The following SMARCA2 variants were observed in gnomAD, a reference collection of about 807,000 sequenced individuals.
The protein encoded by SMARCA2 is SWI/SNF related BAF chromatin remodeling complex subunit ATPase 2, also known as SWI/SNF-related matrix-associated actin-dependent regulator of chromatin subfamily A member 2.
In SMARCA2, 61 loss-of-function variants were observed where a neutral mutation model predicts 199.8. The observed-to-expected ratio is 0.31, with a 90% confidence interval of 0.25 to 0.38. The LOEUF (loss-of-function observed/expected upper bound fraction) is 0.38, where lower values mean the gene tolerates loss of function less well. SMARCA2 is among the 10% of genes least tolerant of loss of function. The pLI, the probability that SMARCA2 is intolerant of heterozygous loss-of-function variation, is 1.00. For missense variants in SMARCA2, 1,344 were observed against 2,012.2 expected (o/e 0.67, Z 6.35); for synonymous variants, 935 against 732.0 (o/e 1.28, Z -4.48).
Position 2,104,840 on chromosome 9 carries a change from A to G in SMARCA2, c.3292+671A>G, listed in dbSNP as rs889681031. Among the ~76,000 whole-genome samples, 1 of 152,208 alleles carries G rather than the reference A, an allele frequency of 6.6e-6. No homozygotes were observed. The highest frequency in any genetic ancestry group is 2.4e-5 in the African/African-American group (1 of 41,442). On this transcript the variant is annotated intron_variant, in intron 23 of 33. Coordinates refer to ENST00000349721, the MANE Select transcript of SMARCA2 (RefSeq NM_003070.5). The surrounding 1 kb of genome is among the most constrained non-coding windows in gnomAD (Gnocchi z 4.0). ...ACGATTTGGATATCAGCCATAATATATTAGAGGTTGAAAGTATCAGCATTT... is the reference window on the plus strand; with the variant it reads ...ACGATTTGGATATCAGCCATAATATGTTAGAGGTTGAAAGTATCAGCATTT...
intron 29 of SMARCA2, among the ~76,000 whole-genome samples, chr9:2,180,248 A>G (rs1826928163): frequency 6.6e-6 from 1 of 152,076 alleles, no homozygotes; most frequent in Admixed American, 6.6e-5. Flanking sequence ...AAAAAATAAA[A>G]CAAAAACGAT....
rs756432174 is a variant in SMARCA2, at chr9:2,110,449, C to T, written c.3456+32C>T. On this transcript the variant is annotated intron_variant, in intron 24 of 33. Transcript: ENST00000349721. This position sits in a 1 kb window ranked among gnomAD's most constrained non-coding sequence, Gnocchi z 4.8. ...ATGTCCCACTCAGGTGCCCAGGCCT[C>T]CCTCTGGAGAGCAACTAAAAGATGA... The T allele has an allele frequency of 2.0e-6, 3 of 1,526,518 alleles. No homozygotes were observed. The highest frequency in any genetic ancestry group is 1.4e-5 in the African/African-American group (1 of 71,726). The allele number at this position is 1,526,518 out of a possible 1,614,324, so 94.6% of individuals were successfully genotyped here.
rs1822949367 is a variant in SMARCA2 at position 2,110,540 on chromosome 9, G to A, written c.3456+123G>A. The A allele has an allele frequency of 4.2e-6, 3 of 708,850 alleles. No homozygotes were observed. The highest frequency in any genetic ancestry group is 4.3e-6 in the Non-Finnish European group (2 of 466,134). The allele number at this position is 708,850 out of a possible 1,614,324, so 43.9% of individuals were successfully genotyped here. A position where few individuals can be genotyped will look rare whatever the true frequency, so the allele number is the denominator to read the frequency against. On this transcript the variant is annotated intron_variant, in intron 24 of 33. Coordinates refer to ENST00000349721, the MANE Select transcript of SMARCA2 (RefSeq NM_003070.5). The surrounding 1 kb of genome is among the most constrained non-coding windows in gnomAD (Gnocchi z 4.8). ...TAAACGAGTGGGCTGTTGCTTTCTT[G>A]GAGCCAATTCTTCTGGCTGTTTTCT...
rs148388908 is a variant in SMARCA2, at chr9:2,108,731, C to T, written c.3293-1523C>T. ...TCACAGCAGAAATATCTTCCATTAG[C>T]GTCGTGAACAGATAGTTCACCATGA... On this transcript the variant is annotated intron_variant, in intron 23 of 33. Coordinates refer to ENST00000349721, the MANE Select transcript of SMARCA2 (RefSeq NM_003070.5). Among the ~76,000 whole-genome samples, 614 of 152,240 alleles carry T rather than the reference C, an allele frequency of 4.0e-3. 4 individuals are homozygous for T. Among genetic ancestry groups the T allele is most frequent in the African/African-American group, 0.014 (574 of 41,540 alleles).
chr9:2,151,081 A>C (rs1233113014), intron 27 of SMARCA2, among the ~76,000 whole-genome samples: 1 of 151,536 alleles, frequency 6.6e-6, no homozygotes. Context: ...ACTGCACATA[A>C]AACACAGACT....
chr9:2,119,654 C>T lies in SMARCA2; in HGVS notation c.3762+119C>T. 2 of 678,358 alleles carry T rather than the reference C, an allele frequency of 2.9e-6. No homozygotes were observed. Among genetic ancestry groups the T allele is most frequent in the Non-Finnish European group, 5.2e-6 (2 of 383,034 alleles). The allele number at this position is 678,358 out of a possible 1,614,324, so 42.0% of individuals were successfully genotyped here. On this transcript the variant is annotated intron_variant, in intron 26 of 33. Transcript: ENST00000349721. The surrounding 1 kb of genome is among the most constrained non-coding windows in gnomAD (Gnocchi z 4.6). The stretch of plus-strand genomic sequence containing the variant: ...CTTCATACGTAAAGCCTATGCCTTT[C>T]CTTCAGTTCAGAGGCTGCAAACTGG...
rs1823184635 is a variant in SMARCA2 at position 2,115,659 on chromosome 9, A to T, written c.3457-163A>T. On this transcript the variant is annotated intron_variant, in intron 24 of 33. Transcript: ENST00000349721. The surrounding 1 kb of genome is among the most constrained non-coding windows in gnomAD (Gnocchi z 6.0). ...TTTCTTCAACTAGGAATGACACTGA[A>T]TTTTTCCAAACGTAGCTTGTGTGTT... Among the ~76,000 whole-genome samples the T allele has an allele frequency of 6.6e-6, 1 of 152,132 alleles. No individual in the cohort carries two copies. The highest frequency in any genetic ancestry group is 1.5e-5 in the Non-Finnish European group (1 of 68,028).
rs374343786 is a variant in SMARCA2, at chr9:2,101,659, G to T, written c.3125+43G>T. 740 of 1,051,046 alleles carry T rather than the reference G, an allele frequency of 7.0e-4. 2 individuals are homozygous for T. The highest frequency in any genetic ancestry group is 9.5e-4 in the Non-Finnish European group (649 of 686,374). The allele number at this position is 1,051,046 out of a possible 1,614,324, so 65.1% of individuals were successfully genotyped here. A position where few individuals can be genotyped will look rare whatever the true frequency, so the allele number is the denominator to read the frequency against. On this transcript the variant is annotated intron_variant, in intron 22 of 33. Transcript: ENST00000349721. ...TTTTCTTTTAAAAAAAAATGTTGTT[G>T]GCCTTACATAAACTCCTCCTCTCTA...
chr9:2,071,197 C>G (rs1038502297), intron 10 of SMARCA2, among the ~76,000 whole-genome samples: 6 of 152,180 alleles, frequency 3.9e-5, no homozygotes, highest in African/African-American at 1.4e-4. Context: ...ACTTCCCATT[C>G]TGGTATCACT....
intron 27 of SMARCA2, among the ~76,000 whole-genome samples, chr9:2,137,206 A>G (rs1189738812): frequency 6.6e-6 from 1 of 152,192 alleles, no homozygotes; most frequent in Non-Finnish European, 1.5e-5. Flanking sequence ...ACATTTGCAG[A>G]TTTTTGGCAT....
chr9:2,021,576 T>A (rs926012662), intron 1 of SMARCA2, among the ~76,000 whole-genome samples: 6 of 152,204 alleles, frequency 3.9e-5, no homozygotes, highest in Admixed American at 1.3e-4. Flanking sequence ...CTCTCCCATC[T>A]TCCCCCCTGT....
At chr9:2,055,479 A>T (rs141732505) in intron 6 of SMARCA2, 33 of 152,364 alleles carry the variant, frequency 2.2e-4, no homozygotes, top group Non-Finnish European at 4.3e-4. Context: ...GGAACGTTTC[A>T]TTGTTAGTCA....
chr9:2,144,799 C>T (rs548769384), intron 27 of SMARCA2, among the ~76,000 whole-genome samples: 1 of 151,824 alleles, frequency 6.6e-6, no homozygotes, highest in African/African-American at 2.4e-5. Flanking sequence ...TCACCTGTTG[C>T]TGATCACAAC....
intron 28 of SMARCA2, among the ~76,000 whole-genome samples, chr9:2,164,091 T>A (rs1237973484): frequency 2.6e-5 from 4 of 152,128 alleles, no homozygotes; most frequent in African/African-American, 9.7e-5. Flanking sequence ...GTTGTCACAA[T>A]CCCCGTCACT....
At chr9:2,077,311 A>G (rs1013970661) in intron 13 of SMARCA2, among the ~76,000 whole-genome samples, 5 of 152,142 alleles carry the variant, frequency 3.3e-5, no homozygotes, top group East Asian at 3.9e-4. Flanking sequence ...TCAGGCTCCT[A>G]TCTGTCTTTT....
At chr9:2,083,443 T>C in intron 16 of SMARCA2, 30 bp downstream of exon 16, 1 of 1,429,182 alleles carries the variant, frequency 7.0e-7, no homozygotes, top group Non-Finnish European at 9.7e-7. Flanking sequence ...TATATAAATG[T>C]GGAAAAGCAA....
At position 2,161,682 on chromosome 9, in the gene SMARCA2, A is replaced by AC; in HGVS notation, c.3982-3dup. Reference sequence around the variant, plus strand: ...AATTTGTCTCCTTTGTTTCCAACGAACAGGCCATCGAAGACGGCAATTTGG... The same window carrying AC: ...AATTTGTCTCCTTTGTTTCCAACGAACCAGGCCATCGAAGACGGCAATTTGG... On this transcript the variant is annotated splice_region_variant and splice_polypyrimidine_tract_variant and intron_variant, in intron 27 of 33. Coordinates refer to ENST00000349721, the MANE Select transcript of SMARCA2 (RefSeq NM_003070.5). The surrounding 1 kb of genome is among the most constrained non-coding windows in gnomAD (Gnocchi z 4.7). The AC allele has an allele frequency of 6.2e-7, 1 of 1,609,848 alleles. No individual in the cohort carries two copies. Among genetic ancestry groups the AC allele is most frequent in the Non-Finnish European group, 8.5e-7 (1 of 1,176,720 alleles).
chr9:2,096,838 A>G (rs2130526360), intron 20 of SMARCA2, 74 bp downstream of exon 20: 1 of 902,426 alleles, frequency 1.1e-6, no homozygotes, highest in Non-Finnish European at 1.9e-6. Flanking sequence ...GAATATTCAC[A>G]GGAAGCATCC....
Position 2,041,110 on chromosome 9 carries a change from G to A in SMARCA2, c.790+1210G>A, listed in dbSNP as rs1377906354. ...CTGGGTTTTGGGCCTTATACCATGG[G>A]AGAGAGTTCAGATTAGTATTTTTTC... On this transcript the variant is annotated intron_variant, in intron 4 of 33. Coordinates refer to ENST00000349721, the MANE Select transcript of SMARCA2 (RefSeq NM_003070.5). 3 of 358,624 alleles carry A rather than the reference G, an allele frequency of 8.4e-6. No individual in the cohort carries two copies. In the East Asian group the frequency reaches 1.2e-4, roughly 14 times the overall value. 22.2% of individuals were successfully genotyped at this position (358,624 alleles called of 1,614,324 possible).
Sources: allele counts gnomAD v4.1 joint callset (sites outside exome capture counted in the v4.1 genomes callset), GRCh38; gene constraint gnomAD v4.1.1; non-coding constraint Gnocchi (gnomAD v3.1); transcripts MANE v1.5; gene names NCBI Gene and HGNC (gene_info 2026-07-23, HGNC 2026-07-21).